SV2C: variants seen among roughly 807,000 people sequenced by gnomAD.
SV2C encodes solute carrier family 22 member B3.
In SV2C, 49 loss-of-function variants were observed where a neutral mutation model predicts 79.7. The ratio of observed to expected loss-of-function variants is 0.61; its 90% CI spans 0.49 to 0.78. SV2C has a LOEUF of 0.78. Ranked by LOEUF, SV2C falls within the 30% of genes least tolerant of loss-of-function variation. The pLI, the probability that SV2C is intolerant of heterozygous loss-of-function variation, is 0.00. For missense variants in SV2C, 833 were observed against 912.9 expected (o/e 0.91, Z 1.13); for synonymous variants, 334 against 333.2 (o/e 1.00, Z -0.03).
the SV2C span, among the ~76,000 whole-genome samples, chr5:75,876,700 C>A: frequency 6.6e-5 from 10 of 151,928 alleles, no homozygotes; most frequent in Admixed American, 3.9e-4. Flanking sequence ...TGGAATAGAG[C>A]TATGTAGGAG....
the SV2C span, among the ~76,000 whole-genome samples, chr5:75,882,714 T>C: frequency 6.6e-6 from 1 of 151,968 alleles, no homozygotes; most frequent in African/African-American, 2.4e-5. Flanking sequence ...AAGCTGAAAC[T>C]GGATCCCTTC....
chr5:75,870,392 T>C, the SV2C span, among the ~76,000 whole-genome samples: 1 of 151,740 alleles, frequency 6.6e-6, no homozygotes, highest in South Asian at 2.1e-4. Context: ...CAGAGTCTTT[T>C]AACAGAAGAA....
At chr5:76,137,572 G>A (rs558566747) in intron 2 of SV2C, among the ~76,000 whole-genome samples, 4 of 152,144 alleles carry the variant, frequency 2.6e-5, no homozygotes, top group South Asian at 4.1e-4. Flanking sequence ...AACAGGAGGC[G>A]GACAATGACT....
intron 1 of SV2C, among the ~76,000 whole-genome samples, chr5:76,084,512 C>A (rs1229773706): frequency 1.3e-5 from 2 of 148,898 alleles, no homozygotes; most frequent in Non-Finnish European, 3.0e-5. Context: ...GCCAGCACCC[C>A]ACGGCAGATG....
chr5:76,320,380 C>T (rs1464598721), intron 12 of SV2C, among the ~76,000 whole-genome samples: 1 of 152,062 alleles, frequency 6.6e-6, no homozygotes, highest in Non-Finnish European at 1.5e-5. Flanking sequence ...TGTCATTATA[C>T]ATGTGTCAAA....
At chr5:76,294,500 C>T (rs1747675654) in intron 8 of SV2C, among the ~76,000 whole-genome samples, 2 of 152,076 alleles carry the variant, frequency 1.3e-5, no homozygotes, top group African/African-American at 2.4e-5. Context: ...TAGGGTTTCA[C>T]CATGTTGACC....
chr5:75,915,463 C>T, the SV2C span, among the ~76,000 whole-genome samples: 8 of 152,288 alleles, frequency 5.3e-5, no homozygotes, highest in Middle Eastern at 3.4e-3. Context: ...GTTAAGCTTT[C>T]TGGTTCTCAG....
the SV2C span, among the ~76,000 whole-genome samples, chr5:76,000,728 C>T: frequency 6.6e-6 from 1 of 152,148 alleles, no homozygotes; most frequent in Non-Finnish European, 1.5e-5. Context: ...ACACTCCTTG[C>T]TTGATGGGGG....
At chr5:76,248,186 T>C (rs542314937) in intron 4 of SV2C, among the ~76,000 whole-genome samples, 1 of 152,340 alleles carries the variant, frequency 6.6e-6, no homozygotes, top group African/African-American at 2.4e-5. Flanking sequence ...CACATGTTCA[T>C]AGGCAGCTAT....
At chr5:75,997,341 G>T in the SV2C span, among the ~76,000 whole-genome samples, 2 of 152,064 alleles carry the variant, frequency 1.3e-5, no homozygotes, top group African/African-American at 2.4e-5. Context: ...TTGACAAATG[G>T]GATCTAACTA....
intron 4 of SV2C, among the ~76,000 whole-genome samples, chr5:76,223,363 G>T (rs1242852189): frequency 6.7e-6 from 1 of 148,648 alleles, no homozygotes; most frequent in African/African-American, 2.5e-5. Flanking sequence ...AGGAGTTTGA[G>T]GTTACAATGA....
intron 2 of SV2C, among the ~76,000 whole-genome samples, chr5:76,143,331 C>G (rs567298528): frequency 6.6e-6 from 1 of 152,204 alleles, no homozygotes; most frequent in Non-Finnish European, 1.5e-5. Flanking sequence ...TAGGTACTTA[C>G]CCTCCAAACA....
chr5:75,889,231 C>G, the SV2C span, among the ~76,000 whole-genome samples: 1 of 151,554 alleles, frequency 6.6e-6, no homozygotes, highest in Non-Finnish European at 1.5e-5. Context: ...GGTATTTCTC[C>G]TAATGCTCTC....
intron 4 of SV2C, among the ~76,000 whole-genome samples, chr5:76,284,595 G>T (rs1241615768): frequency 6.6e-6 from 1 of 152,204 alleles, no homozygotes; most frequent in African/African-American, 2.4e-5. Context: ...AAGAGCTGTG[G>T]CTGCTGTGAA....
At chr5:76,197,706 G>GATAGATAGATAGATAGATAGA (rs1561260450) in intron 3 of SV2C, among the ~76,000 whole-genome samples, 5 of 3,130 alleles carry the variant, frequency 1.6e-3, no homozygotes, top group South Asian at 0.014. Context: ...AGATAGACAG[G>GATAGATAGATAGATAGATAGA]CAGATAGATA....
the SV2C span, among the ~76,000 whole-genome samples, chr5:76,016,467 G>T: frequency 6.6e-6 from 1 of 152,096 alleles, no homozygotes; most frequent in African/African-American, 2.4e-5. Flanking sequence ...CCACAAGGGG[G>T]AGAATGTGAG....
chr5:76,298,434 A>T (rs1203093582), intron 9 of SV2C, among the ~76,000 whole-genome samples: 1 of 152,182 alleles, frequency 6.6e-6, no homozygotes, highest in Non-Finnish European at 1.5e-5. Context: ...TCAAATAAAG[A>T]TATACATGAA....
At position 76,333,466 on chromosome 5, in the gene SV2C, T is replaced by G. The variant is rs999689200; in HGVS notation, c.*7919T>G. On this transcript the variant is annotated 3_prime_UTR_variant, in exon 13 of 13. Coordinates refer to ENST00000502798, the MANE Select transcript of SV2C (RefSeq NM_014979.4). ...ACGTACTATCCACTGTCTATTTTAA[T>G]GAGATCTTGGCAATGGTCCTGTCGG... 1.3e-5 allele frequency: 2 copies of G among 152,248 alleles called. No individual in the cohort carries two copies. The highest frequency in any genetic ancestry group is 2.9e-5 in the Non-Finnish European group (2 of 68,046). 9.4% of individuals were successfully genotyped at this position (152,248 alleles called of 1,614,324 possible).
chr5:76,336,709 AG>A (rs1280555414), downstream of SV2C, among the ~76,000 whole-genome samples: 1 of 152,190 alleles, frequency 6.6e-6, no homozygotes, highest in African/African-American at 2.4e-5. Context: ...CGGCCAACAC[AG>A]CGAAACCCCG....
Sources: allele counts gnomAD v4.1 joint callset (sites outside exome capture counted in the v4.1 genomes callset), GRCh38; gene constraint gnomAD v4.1.1; transcripts MANE v1.5; gene names NCBI Gene and HGNC (gene_info 2026-07-23, HGNC 2026-07-21).